The following ZNF157 variants were observed in gnomAD, a reference collection of about 807,000 sequenced individuals.
ZNF157 encodes zinc finger protein 157.
In ZNF157, 8 loss-of-function variants were observed where a neutral mutation model predicts 9.4. That is an observed-to-expected ratio of 0.85 (90% CI 0.50 to 1.53). ZNF157 has a LOEUF of 1.53. ZNF157 is among the 40% of genes most tolerant of loss of function. The pLI, the probability that ZNF157 is intolerant of heterozygous loss-of-function variation, is 0.00. For missense variants in ZNF157, 316 were observed against 385.2 expected (o/e 0.82, Z 1.50); for synonymous variants, 120 against 130.8 (o/e 0.92, Z 0.56).
chrX:47,397,434 G>C (rs1178131438), intron 1 of ZNF157, among the ~76,000 whole-genome samples: 1 of 105,984 alleles, frequency 9.4e-6, no homozygotes. Flanking sequence ...TATTTTTTTT[G>C]AGATGGAGTC....
chrX:47,413,826 C>A lies in ZNF157; in HGVS notation c.*232C>A. On this transcript the variant is annotated 3_prime_UTR_variant, in exon 4 of 4. Coordinates refer to ENST00000377073, the MANE Select transcript of ZNF157 (RefSeq NM_003446.4). ...GTGCATTGACTGTTCATGTCCTCTGCTCATTGTTTTCAAATGGGCTGTTCA... is the reference window on the plus strand; with the variant it reads ...GTGCATTGACTGTTCATGTCCTCTGATCATTGTTTTCAAATGGGCTGTTCA... The A allele has an allele frequency of 2.9e-6, 1 of 342,181 alleles. No individual in the cohort carries two copies. Among genetic ancestry groups the A allele is most frequent in the Non-Finnish European group, 4.6e-6 (1 of 215,309 alleles). The allele number at this position is 342,181 out of a possible 1,213,427, so 28.2% of individuals were successfully genotyped here.
chrX:47,389,229 C>G (rs928269625), intron 1 of ZNF157, among the ~76,000 whole-genome samples: 1 of 109,961 alleles, frequency 9.1e-6, no homozygotes, highest in African/African-American at 3.3e-5. Context: ...TTTTTTGAGA[C>G]AGAGTCTTGC....
chrX:47,413,329 G>A lies in ZNF157; in HGVS notation c.1256G>A (p.Cys419Tyr), dbSNP rs1420518241. ...GAGAAACCCTACGAATGTAGTGAAT[G>A]TGGGAAAATCTTCAGTATGAAGAAA... ...SGEKPYECSE[C>Y]GKIFSMKKSL... is the part of the protein sequence containing the mutation. Residue 419 changes from cysteine to tyrosine, a missense_variant, in exon 4 of 4, where the codon TGT becomes TAT. By Grantham distance (194) the Cys-to-Tyr change is radical. Coordinates refer to ENST00000377073, the MANE Select transcript of ZNF157 (RefSeq NM_003446.4). 1 of 1,211,825 alleles carries A rather than the reference G, an allele frequency of 8.3e-7. No homozygotes were observed. The highest frequency in any genetic ancestry group is 1.8e-5 in the South Asian group (1 of 56,975).
chrX:47,384,548 C>T (rs1276658647), intron 1 of ZNF157, among the ~76,000 whole-genome samples: 1 of 112,352 alleles, frequency 8.9e-6, no homozygotes, highest in Non-Finnish European at 1.9e-5. Flanking sequence ...TAAATTCACC[C>T]TTCAACCAGT....
chrX:47,410,150 G>A, intron 1 of ZNF157, 126 bp from the exon 2 acceptor site: 1 of 966,292 alleles, frequency 1.0e-6, no homozygotes, highest in South Asian at 2.1e-5. Flanking sequence ...TATCAAGCGA[G>A]ACACAAAATC....
At chrX:47,386,070 G>A (rs2055878693) in intron 1 of ZNF157, among the ~76,000 whole-genome samples, 1 of 111,232 alleles carries the variant, frequency 9.0e-6, no homozygotes, top group South Asian at 3.7e-4. Context: ...TGTTCTCGAC[G>A]CTCTCTGGTT....
At chrX:47,406,378 C>T (rs9698231) in intron 1 of ZNF157, among the ~76,000 whole-genome samples, 43,549 of 108,366 alleles carry the variant, frequency 0.4, 7,361 homozygotes, top group African/African-American at 0.63. Flanking sequence ...CTCTCTCTCT[C>T]TTTTTCTTTT....
At chrX:47,387,153 G>A (rs1461055259) in intron 1 of ZNF157, among the ~76,000 whole-genome samples, 2 of 98,826 alleles carry the variant, frequency 2.0e-5, no homozygotes, top group African/African-American at 3.8e-5. Flanking sequence ...TCAGAGTTTC[G>A]CTCTTGTTGC....
intron 1 of ZNF157, among the ~76,000 whole-genome samples, chrX:47,376,873 A>G (rs1418264897): frequency 6.3e-5 from 7 of 111,686 alleles, no homozygotes; most frequent in African/African-American, 2.3e-4. Flanking sequence ...TTTAAAACAA[A>G]GATGTTAACA....
intron 1 of ZNF157, among the ~76,000 whole-genome samples, chrX:47,401,400 T>C (rs2055929889): frequency 8.9e-6 from 1 of 111,865 alleles, no homozygotes. Flanking sequence ...ATCAAGAGAG[T>C]GTCTGCTCTT....
At chrX:47,387,643 G>A (rs745789436) in intron 1 of ZNF157, among the ~76,000 whole-genome samples, 85 of 109,483 alleles carry the variant, frequency 7.8e-4, no homozygotes, top group African/African-American at 2.6e-3. Context: ...AGTCGGGCGC[G>A]GTGGCTCACA....
intron 1 of ZNF157, among the ~76,000 whole-genome samples, chrX:47,401,189 G>A (rs1602770901): frequency 1.8e-5 from 2 of 111,853 alleles, no homozygotes; most frequent in African/African-American, 6.5e-5. Context: ...GGGTATTTCA[G>A]GTTTCAAGAT....
chrX:47,391,804 C>T (rs1027442298), intron 1 of ZNF157, among the ~76,000 whole-genome samples: 1 of 111,457 alleles, frequency 9.0e-6, no homozygotes, highest in African/African-American at 3.3e-5. Context: ...CTCGCCTTGG[C>T]CTCCCAAAGT....
rs1237868676 is a variant in ZNF157, at chrX:47,372,806, C to CT, written c.72+2069dup. Among the ~76,000 whole-genome samples the CT allele has an allele frequency of 5.4e-5, 6 of 110,274 alleles. No individual in the cohort carries two copies. The Admixed American group carries it at 5.9e-4, about 11-fold the overall frequency. ...ACCATGCCCGGCCTGAATTTGTATT[C>CT]TTTAAAATATCCTTTATTGGTGGGA... On this transcript the variant is annotated intron_variant, in intron 1 of 3. Transcript: ENST00000377073.
intron 1 of ZNF157, among the ~76,000 whole-genome samples, chrX:47,397,510 G>T (rs2055917386): frequency 1.8e-5 from 2 of 110,686 alleles, no homozygotes; most frequent in Non-Finnish European, 1.9e-5. Flanking sequence ...CGCCTCCTGG[G>T]TTCAAGCGAT....
chrX:47,385,011 C>A lies in ZNF157; in HGVS notation c.72+14271C>A, dbSNP rs146191305. On this transcript the variant is annotated intron_variant, in intron 1 of 3. Coordinates refer to ENST00000377073, the MANE Select transcript of ZNF157 (RefSeq NM_003446.4). ...TGGAGGAGGAGCTGGTCGGTTCTGT[C>A]ATCGACTGGACAATGCTCCAGCTCT... 1.1e-3 allele frequency among the ~76,000 whole-genome samples: 124 copies of A among 111,636 alleles called. 1 individual carries two copies. The highest frequency in any genetic ancestry group is 3.8e-3 in the African/African-American group (116 of 30,789).
chrX:47,397,267 G>C (rs762670059), intron 1 of ZNF157, among the ~76,000 whole-genome samples: 30 of 94,459 alleles, frequency 3.2e-4, no homozygotes, highest in African/African-American at 1.2e-3. Flanking sequence ...TTTTGAGATG[G>C]AGTCTCACTC....
intron 1 of ZNF157, among the ~76,000 whole-genome samples, chrX:47,399,925 C>T (rs1163477447): frequency 9.0e-6 from 1 of 110,598 alleles, no homozygotes; most frequent in African/African-American, 3.3e-5. Flanking sequence ...AAGTGATCCT[C>T]CTGCCTCAGC....
chrX:47,404,034 G>T (rs1054673437), intron 1 of ZNF157, among the ~76,000 whole-genome samples: 4 of 110,296 alleles, frequency 3.6e-5, no homozygotes, highest in African/African-American at 6.6e-5. Context: ...GCTGGGTGTG[G>T]TGGTAAGCGC....
Sources: allele counts gnomAD v4.1 joint callset (sites outside exome capture counted in the v4.1 genomes callset), GRCh38; gene constraint gnomAD v4.1.1; transcripts MANE v1.5; gene names NCBI Gene and HGNC (gene_info 2026-07-23, HGNC 2026-07-21).